CTNNA3: variants seen among roughly 807,000 people sequenced by gnomAD.
CTNNA3 encodes the protein catenin alpha-3.
In CTNNA3, 76 loss-of-function variants were observed where a neutral mutation model predicts 95.7. That is an observed-to-expected ratio of 0.79 (90% CI 0.66 to 0.96). The LOEUF (loss-of-function observed/expected upper bound fraction) is 0.96. CTNNA3 is among the 40% of genes least tolerant of loss of function. The pLI is 0.00. For missense variants in CTNNA3, 1,191 were observed against 1,089.8 expected, an observed-to-expected ratio of 1.09 and a Z score of -1.31; for synonymous variants, 431 against 374.4, an observed-to-expected ratio of 1.15 and a Z score of -1.74.
chr10:67,330,728 C>T (rs772398403), intron 5 of CTNNA3, among the ~76,000 whole-genome samples: 10 of 151,674 alleles, frequency 6.6e-5, no homozygotes, highest in African/African-American at 1.2e-4. Context: ...CTTATTCATA[C>T]CACATTAATA....
At chr10:66,587,565 C>T (rs184544231) in intron 10 of CTNNA3, among the ~76,000 whole-genome samples, 1 of 152,084 alleles carries the variant, frequency 6.6e-6, no homozygotes, top group South Asian at 2.1e-4. Flanking sequence ...GCACAAGCAG[C>T]GGCCCCAGTG....
chr10:66,397,318 A>C (rs1228087647), intron 11 of CTNNA3, among the ~76,000 whole-genome samples: 1 of 151,750 alleles, frequency 6.6e-6, no homozygotes, highest in East Asian at 1.9e-4. Context: ...AGGCTTAGGG[A>C]ACTAAGCAAA....
chr10:67,092,777 G>C (rs1447333788), intron 7 of CTNNA3, among the ~76,000 whole-genome samples: 1 of 151,888 alleles, frequency 6.6e-6, no homozygotes, highest in Non-Finnish European at 1.5e-5. Flanking sequence ...ATGTTGATAC[G>C]AGACAGTGAT....
intron 5 of CTNNA3, among the ~76,000 whole-genome samples, chr10:67,446,295 T>C (rs1846745313): frequency 6.6e-6 from 1 of 152,092 alleles, no homozygotes; most frequent in Non-Finnish European, 1.5e-5. Context: ...AGTCCACCCC[T>C]GACAGAACTT....
chr10:66,936,193 C>G (rs552746950), intron 7 of CTNNA3, among the ~76,000 whole-genome samples: 1 of 152,224 alleles, frequency 6.6e-6, no homozygotes, highest in Admixed American at 6.5e-5. Context: ...CTAACACACA[C>G]AGATGTGTGG....
intron 15 of CTNNA3, among the ~76,000 whole-genome samples, chr10:66,012,763 T>C (rs1333080829): frequency 3.3e-5 from 5 of 152,180 alleles, no homozygotes; most frequent in African/African-American, 1.2e-4. Flanking sequence ...TATTTCCACA[T>C]TAGGGGCCCA....
At chr10:67,738,531 C>G (rs1841315815) in intron 1 of CTNNA3, among the ~76,000 whole-genome samples, 2 of 152,064 alleles carry the variant, frequency 1.3e-5, no homozygotes, top group African/African-American at 4.8e-5. Flanking sequence ...AATCAGAGTG[C>G]CTCTCCTCCT....
At position 65,918,204 on chromosome 10, in the gene CTNNA3, C is replaced by T. The variant is rs1418159584; in HGVS notation, c.*2126G>A. On this transcript the variant is annotated 3_prime_UTR_variant, in exon 18 of 18. Coordinates refer to ENST00000433211, the MANE Select transcript of CTNNA3 (RefSeq NM_013266.4). ...ATTTCTGTTCTTTTGGTGTCCAATA[C>T]TGCATGTTCTAAACTCCAACATGTG... The T allele has an allele frequency of 6.6e-6, 1 of 152,040 alleles. No individual in the cohort carries two copies. Among genetic ancestry groups the T allele is most frequent in the East Asian group, 1.9e-4 (1 of 5,194 alleles). The allele number at this position is 152,040 out of a possible 1,614,324, so 9.4% of individuals were successfully genotyped here. A position where few individuals can be genotyped will look rare whatever the true frequency, so the allele number is the denominator to read the frequency against.
At chr10:66,909,187 A>G (rs529155316) in intron 7 of CTNNA3, among the ~76,000 whole-genome samples, 52 of 152,266 alleles carry the variant, frequency 3.4e-4, no homozygotes, top group African/African-American at 1.3e-3. Context: ...GCCCCTGTAC[A>G]TGTTGACAAA....
intron 13 of CTNNA3, among the ~76,000 whole-genome samples, chr10:66,117,508 G>T (rs72793501): frequency 0.048 from 7,284 of 152,150 alleles, 220 homozygotes; most frequent in African/African-American, 0.065. Flanking sequence ...CACATATTTT[G>T]TTGTTGAGTA....
Position 67,705,194 on chromosome 10 carries a change from T to C in CTNNA3, c.-1-57680A>G, listed in dbSNP as rs548940589. On this transcript the variant is annotated intron_variant, in intron 1 of 17. Transcript: ENST00000684154. ...CACTGTTGGTGGGACTGTAAACTAG[T>C]TCAACCATTGTGGAAGACAGTGTGG... Among the ~76,000 whole-genome samples, 386 of 152,184 alleles carry C rather than the reference T, an allele frequency of 2.5e-3. 4 individuals are homozygous for C. The highest frequency in any genetic ancestry group is 8.9e-3 in the African/African-American group (369 of 41,524).
chr10:66,492,388 A>G (rs527534863), intron 11 of CTNNA3, among the ~76,000 whole-genome samples: 2 of 151,980 alleles, frequency 1.3e-5, no homozygotes, highest in East Asian at 3.9e-4. Flanking sequence ...GGCTCAAGCA[A>G]TTCTCCCACC....
Position 67,687,584 on chromosome 10 carries a change from C to T in CTNNA3, c.-6+8416G>A, listed in dbSNP as rs146300908. ...TCTCTTGGTCCCTATTATAGAACAC[C>T]GAGGTTGCCAGGTTTAATAATGCCT... On this transcript the variant is annotated intron_variant, in intron 1 of 17. Coordinates refer to ENST00000433211, the MANE Select transcript of CTNNA3 (RefSeq NM_013266.4). Among the ~76,000 whole-genome samples the T allele has an allele frequency of 0.033, 5,078 of 152,150 alleles. 603 individuals are homozygous for T. The East Asian group carries it at 0.44, about 13-fold the overall frequency.
At chr10:66,042,763 G>A (rs1481239493) in intron 15 of CTNNA3, among the ~76,000 whole-genome samples, 4 of 151,466 alleles carry the variant, frequency 2.6e-5, no homozygotes, top group Non-Finnish European at 5.9e-5. Context: ...AGCCAGGTGT[G>A]GTGGTGCATG....
chr10:67,224,685 T>C (rs75027020), intron 5 of CTNNA3, among the ~76,000 whole-genome samples: 1 of 151,280 alleles, frequency 6.6e-6, no homozygotes, highest in Non-Finnish European at 1.5e-5. Flanking sequence ...AAAAAAAATA[T>C]AGAGAGGAAG....
chr10:67,489,253 T>C (rs1848565908), intron 5 of CTNNA3, among the ~76,000 whole-genome samples: 1 of 152,200 alleles, frequency 6.6e-6, no homozygotes, highest in Non-Finnish European at 1.5e-5. Flanking sequence ...TTAAACTCAA[T>C]TCAAAATGAA....
At chr10:66,569,800 A>G (rs1842814546) in intron 10 of CTNNA3, among the ~76,000 whole-genome samples, 1 of 152,188 alleles carries the variant, frequency 6.6e-6, no homozygotes, top group Non-Finnish European at 1.5e-5. Flanking sequence ...CCTCAGTAAG[A>G]TATTATGAGC....
At chr10:67,568,794 G>A (rs372713968) in intron 3 of CTNNA3, among the ~76,000 whole-genome samples, 2 of 152,110 alleles carry the variant, frequency 1.3e-5, no homozygotes, top group Admixed American at 6.6e-5. Flanking sequence ...TAGGTGAAAT[G>A]TTTGGTATTT....
chr10:66,645,906 A>G (rs188217609), intron 9 of CTNNA3, among the ~76,000 whole-genome samples: 59 of 152,306 alleles, frequency 3.9e-4, no homozygotes, highest in African/African-American at 1.3e-3. Flanking sequence ...ATTCTGTTCC[A>G]TTGATCTATG....
Sources: allele counts gnomAD v4.1 joint callset (sites outside exome capture counted in the v4.1 genomes callset), GRCh38; gene constraint gnomAD v4.1.1; transcripts MANE v1.5; gene names NCBI Gene and HGNC (gene_info 2026-07-23, HGNC 2026-07-21).